Variants in SEZ6 observed in about 807,000 individuals in gnomAD.
SEZ6 encodes the protein seizure protein 6 homolog.
A neutral mutation model predicts 101.0 loss-of-function variants in SEZ6; 53 were observed. The ratio of observed to expected loss-of-function variants is 0.52; its 90% CI spans 0.42 to 0.66. The LOEUF (loss-of-function observed/expected upper bound fraction) is 0.66. Ranked by LOEUF, SEZ6 falls within the 30% of genes least tolerant of loss-of-function variation. The pLI, the probability that SEZ6 is intolerant of heterozygous loss-of-function variation, is 0.00. For synonymous variants in SEZ6, 488 were observed against 512.2 expected (o/e 0.95, Z 0.64); for missense variants, 1,102 against 1,289.4 (o/e 0.85, Z 2.23).
chr17:29,002,466 C>T (rs1872620939), intron 1 of SEZ6, among the ~76,000 whole-genome samples: 1 of 152,184 alleles, frequency 6.6e-6, no homozygotes, highest in Non-Finnish European at 1.5e-5. Flanking sequence ...GCCGCCAGGG[C>T]CTGCCAAGCT....
intron 5 of SEZ6, 133 bp from the exon 6 acceptor site, chr17:28,961,106 C>T (rs1302685794): frequency 7.0e-6 from 8 of 1,137,166 alleles, no homozygotes; most frequent in Middle Eastern, 2.7e-4. Flanking sequence ...CCATCTTGGC[C>T]CTCATCGTCC....
chr17:28,978,203 G>A (rs545661039), intron 3 of SEZ6, among the ~76,000 whole-genome samples: 3 of 152,312 alleles, frequency 2.0e-5, no homozygotes, highest in Admixed American at 1.3e-4. Flanking sequence ...ACTTCTCAGC[G>A]CCCTGCCAGA....
chr17:28,961,160 G>A (rs2040972538), intron 5 of SEZ6, among the ~76,000 whole-genome samples, 187 bp from the exon 6 acceptor site: 1 of 152,126 alleles, frequency 6.6e-6, no homozygotes, highest in Non-Finnish European at 1.5e-5. Context: ...TCTCCAGGCA[G>A]CCTGAGCTCC....
intron 4 of SEZ6, among the ~76,000 whole-genome samples, chr17:28,967,759 G>A (rs1261324368): frequency 1.3e-5 from 2 of 152,160 alleles, no homozygotes; most frequent in Non-Finnish European, 2.9e-5. Flanking sequence ...CTGGAATGGG[G>A]TGGAACTGGG....
intron 1 of SEZ6, among the ~76,000 whole-genome samples, chr17:29,003,686 G>T (rs184789065): frequency 1.3e-5 from 2 of 152,314 alleles, no homozygotes; most frequent in East Asian, 1.9e-4. Context: ...GGGACCTCCA[G>T]TCCAGCCGAG....
At chr17:28,992,799 G>A (rs1026449578) in intron 1 of SEZ6, among the ~76,000 whole-genome samples, 47 of 152,334 alleles carry the variant, frequency 3.1e-4, no homozygotes, top group South Asian at 1.9e-3. Flanking sequence ...TAACTGCCAC[G>A]TTCTCTGCTT....
intron 1 of SEZ6, among the ~76,000 whole-genome samples, chr17:28,999,234 C>T (rs77824641): frequency 6.6e-6 from 1 of 152,088 alleles, no homozygotes; most frequent in Admixed American, 6.5e-5. Context: ...CCCAGGATGG[C>T]CTTCCAGGTA....
intron 4 of SEZ6, among the ~76,000 whole-genome samples, chr17:28,965,521 A>T (rs2041051101): frequency 6.6e-6 from 1 of 151,938 alleles, no homozygotes; most frequent in African/African-American, 2.4e-5. Flanking sequence ...GTGTACCTGT[A>T]GTCTTAGCTA....
chr17:28,981,391 ATGGTGGTGGTGATGATGG>A lies in SEZ6; in HGVS notation c.686_703del (p.Thr229_Thr234del). Reference sequence around the variant, plus strand: ...CTGACCTGGTGTCTGGACTGTGGTGATGGTGGTGGTGATGATGGTGGTGGTAGTGGTGGTCTCCTCATC... The same window carrying A: ...CTGACCTGGTGTCTGGACTGTGGTGATGGTGGTAGTGGTGGTCTCCTCATC... On this transcript the variant is annotated inframe_deletion, in exon 2 of 17. Coordinates refer to ENST00000317338, the MANE Select transcript of SEZ6 (RefSeq NM_178860.5). 23 of 1,551,148 alleles carry A rather than the reference ATGGTGGTGGTGATGATGG, an allele frequency of 1.5e-5. No homozygotes were observed. The highest frequency in any genetic ancestry group is 2.0e-5 in the Non-Finnish European group (23 of 1,146,474).
intron 1 of SEZ6, among the ~76,000 whole-genome samples, chr17:29,000,997 C>T (rs1176641456): frequency 6.6e-6 from 1 of 152,130 alleles, no homozygotes; most frequent in East Asian, 1.9e-4. Context: ...GGCTTTAGCC[C>T]ATTCAGAATG....
At chr17:28,983,148 C>A (rs1378827352) in intron 1 of SEZ6, among the ~76,000 whole-genome samples, 1 of 152,254 alleles carries the variant, frequency 6.6e-6, no homozygotes, top group African/African-American at 2.4e-5. Context: ...TACTCTAGGG[C>A]TGTGTGCCCT....
Position 28,959,081 on chromosome 17 carries a change from G to A in SEZ6, c.2051C>T (p.Ser684Leu), listed in dbSNP as rs1329799505. 3 of 1,613,872 alleles carry A rather than the reference G, an allele frequency of 1.9e-6. No individual in the cohort carries two copies. The highest frequency in any genetic ancestry group is 3.3e-5 in the Admixed American group (2 of 59,994). Residue 684 changes from serine (S) to leucine (L), a missense_variant, in exon 10 of 17, where the codon TCG becomes TTG. Coordinates refer to ENST00000317338, the MANE Select transcript of SEZ6 (RefSeq NM_178860.5). This position sits in a 1 kb window ranked among gnomAD's most constrained non-coding sequence, Gnocchi z 4.4. ...SMADVTIQFQ[S>L]DPGTSVLGYQ... is the part of the protein sequence containing the mutation. ...GCCCAGCACTGAGGTCCCGGGGTCC[G>A]ACTGGAACTGAATGGTGACATCAGC...
chr17:28,997,666 C>T (rs1468723301), intron 1 of SEZ6, among the ~76,000 whole-genome samples: 1 of 152,196 alleles, frequency 6.6e-6, no homozygotes, highest in Admixed American at 6.5e-5. Flanking sequence ...GTTGGAGGGG[C>T]TCCTCTCAAG....
At chr17:28,988,056 G>A (rs2041406545) in intron 1 of SEZ6, among the ~76,000 whole-genome samples, 1 of 152,202 alleles carries the variant, frequency 6.6e-6, no homozygotes. Flanking sequence ...CCCTGGAGGG[G>A]CAGTTGTTGG....
chr17:28,983,079 A>C (rs62068971), intron 1 of SEZ6, among the ~76,000 whole-genome samples: 7 of 152,226 alleles, frequency 4.6e-5, no homozygotes, highest in Non-Finnish European at 7.3e-5. Context: ...TAATATGAGT[A>C]GAGTGGGAAG....
chr17:28,961,735 G>A (rs1205572374), intron 5 of SEZ6, among the ~76,000 whole-genome samples: 1 of 152,200 alleles, frequency 6.6e-6, no homozygotes, highest in Non-Finnish European at 1.5e-5. Context: ...TGGCGGTTAT[G>A]TGAGGCCAGA....
At chr17:28,992,716 A>AGTCCTCTCTCCTCCAGT (rs1645052048) in intron 1 of SEZ6, among the ~76,000 whole-genome samples, 1 of 152,188 alleles carries the variant, frequency 6.6e-6, no homozygotes, top group Non-Finnish European at 1.5e-5. Flanking sequence ...CGGCTGGGCC[A>AGTCCTCTCTCCTCCAGT]GTCCTCTCTC....
At chr17:28,987,886 G>T (rs770117873) in intron 1 of SEZ6, among the ~76,000 whole-genome samples, 5 of 152,210 alleles carry the variant, frequency 3.3e-5, no homozygotes, top group Non-Finnish European at 7.3e-5. Flanking sequence ...GGAACCCAAA[G>T]CTGGACAGCC....
At chr17:29,000,087 A>G (rs1288500160) in intron 1 of SEZ6, among the ~76,000 whole-genome samples, 2 of 152,230 alleles carry the variant, frequency 1.3e-5, no homozygotes, top group African/African-American at 2.4e-5. Flanking sequence ...TAAGAGAACT[A>G]AATGAGCTAA....
Sources: gnomAD v4.1 joint callset for allele counts (sites outside exome capture counted in the v4.1 genomes callset) on GRCh38, gnomAD v4.1.1 for gene constraint, Gnocchi (gnomAD v3.1) non-coding constraint, MANE v1.5 for transcripts, NCBI Gene and HGNC (gene_info 2026-07-23, HGNC 2026-07-21) for gene names.